ZNF580: variants seen among roughly 807,000 people sequenced by gnomAD.
ZNF580 encodes the protein zinc finger protein 580.
Under a neutral mutation model 1.3 loss-of-function variants are expected in ZNF580, and 1 was observed. The ratio of observed to expected loss-of-function variants is 0.77; its 90% CI spans 0.27 to 3.65. The LOEUF (loss-of-function observed/expected upper bound fraction) is 3.65. Among genes scored for constraint, ZNF580 ranks in the 30% most tolerant of loss-of-function variants. The probability of loss-of-function intolerance (pLI) is 0.19; values close to 1 mark genes in which losing one functional copy is unlikely to be tolerated. For missense variants in ZNF580, 268 were observed against 272.3 expected, an observed-to-expected ratio of 0.98 and a Z score of 0.11; for synonymous variants, 135 against 128.8, an observed-to-expected ratio of 1.05 and a Z score of -0.32.
Position 55,643,030 on chromosome 19 carries a change from T to A in ZNF580, c.*3T>A, listed in dbSNP as rs1215852991. The A allele has an allele frequency of 1.5e-6, 2 of 1,358,796 alleles. No homozygotes were observed. The highest frequency in any genetic ancestry group is 1.9e-6 in the Non-Finnish European group (2 of 1,054,840). 84.2% of individuals were successfully genotyped at this position (1,358,796 alleles called of 1,614,324 possible). Reference sequence around the variant, plus strand: ...CGCAGCACGTGCGCCTCCACTAAGCTCGAGACCCGGCCTGTGCTGCCCTGC... The same window carrying A: ...CGCAGCACGTGCGCCTCCACTAAGCACGAGACCCGGCCTGTGCTGCCCTGC... On this transcript the variant is annotated 3_prime_UTR_variant, in exon 2 of 2. Transcript: ENST00000325333.
rs759412445 is a variant in ZNF580 at position 55,642,769 on chromosome 19, C to T, written c.261C>T (p.Gly87=). 1.4e-5 allele frequency: 21 copies of T among 1,546,140 alleles called. No homozygotes were observed. Among genetic ancestry groups the T allele is most frequent in the Non-Finnish European group, 1.6e-5 (18 of 1,152,110 alleles). ...GCGAGGCGCCCCCAGGAGAGCCCGG[C>T]CCTCGCAAGGGCTACAGCTGCCCGG... ...PQREAPPGEP[G]PRKGYSCPEC... is the part of the protein sequence containing the mutation. Residue 87 remains glycine, a synonymous_variant, in exon 2 of 2, where the codon GGC becomes GGT. Coordinates refer to ENST00000325333, the MANE Select transcript of ZNF580 (RefSeq NM_207115.2).
intron 1 of ZNF580, 89 bp downstream of exon 1, chr19:55,641,272 ATGGGGG>A: frequency 1.2e-6 from 1 of 803,484 alleles, no homozygotes; most frequent in Non-Finnish European, 1.5e-6. Flanking sequence ...GCCACCCGGG[ATGGGGG>A]TGGGGGTCGG....
intron 1 of ZNF580, 168 bp from the exon 2 acceptor site, chr19:55,642,329 T>C: frequency 7.9e-7 from 1 of 1,260,918 alleles, no homozygotes; most frequent in Non-Finnish European, 1.0e-6. Flanking sequence ...GGCAGCTTGA[T>C]GGAACGTGGG....
At chr19:55,642,372 C>T (rs1982558642) in intron 1 of ZNF580, 125 bp from the exon 2 acceptor site, 5 of 1,288,610 alleles carry the variant, frequency 3.9e-6, no homozygotes, top group Non-Finnish European at 3.9e-6. Context: ...TTTTATTTTG[C>T]TAGGGAGGTA....
chr19:55,642,323 G>C, intron 1 of ZNF580, 174 bp from the exon 2 acceptor site: 3 of 1,262,526 alleles, frequency 2.4e-6, no homozygotes, highest in Non-Finnish European at 2.0e-6. Flanking sequence ...CTCCGAGGCA[G>C]CTTGATGGAA....
In ZNF580 at chr19:55,643,415, T is replaced by G; in HGVS notation, c.*388T>G. ...GCACGGTCTGGTTCATTTCTGTATC[T>G]ACCCCCCTTCCGCCCACGCCCCCGA... On this transcript the variant is annotated 3_prime_UTR_variant, in exon 2 of 2. Transcript: ENST00000325333. 6 of 215,198 alleles carry G rather than the reference T, an allele frequency of 2.8e-5. No homozygotes were observed. Among genetic ancestry groups the G allele is most frequent in the East Asian group, 1.1e-4 (1 of 8,964 alleles). 13.3% of individuals were successfully genotyped at this position (215,198 alleles called of 1,614,324 possible). A position where few individuals can be genotyped will look rare whatever the true frequency, so the allele number is the denominator to read the frequency against.
intron 1 of ZNF580, 28 bp from the exon 2 acceptor site, chr19:55,642,469 T>C: frequency 7.1e-7 from 1 of 1,402,824 alleles, no homozygotes; most frequent in South Asian, 1.7e-5. Context: ...GTGGCAATTT[T>C]AACTAATCTC....
Position 55,641,098 on chromosome 19 carries a change from T to C in ZNF580, c.-98T>C. On this transcript the variant is annotated 5_prime_UTR_variant, in exon 1 of 2. Coordinates refer to ENST00000325333, the MANE Select transcript of ZNF580 (RefSeq NM_207115.2). ...GCCCGGAGCTGCCCGGAAGTCTCGG[T>C]TCCGCCGCCGGCGCTCGCCAGGGGA... 1.0e-6 allele frequency: 1 copy of C among 985,102 alleles called. No individual in the cohort carries two copies. The highest frequency in any genetic ancestry group is 1.7e-5 in the African/African-American group (1 of 57,278). The allele number at this position is 985,102 out of a possible 1,614,324, so 61.0% of individuals were successfully genotyped here. A position where few individuals can be genotyped will look rare whatever the true frequency, so the allele number is the denominator to read the frequency against.
In ZNF580 at chr19:55,642,981, G is replaced by A. The variant is rs546316328; in HGVS notation, c.473G>A (p.Arg158His). 333 of 1,374,826 alleles carry A rather than the reference G, an allele frequency of 2.4e-4. 2 individuals carry two copies. Among genetic ancestry groups the A allele is most frequent in the Non-Finnish European group, 3.6e-5 (38 of 1,065,384 alleles). The allele number at this position is 1,374,826 out of a possible 1,614,324, so 85.2% of individuals were successfully genotyped here. ...PPHTCPLCPR[R>H]FQDAAELAQH... The stretch of plus-strand genomic sequence containing the variant: ...CACACCTGCCCGCTCTGCCCACGCC[G>A]CTTCCAGGACGCCGCGGAGCTGGCG... Residue 158 changes from arginine (R) to histidine (H), a missense_variant, in exon 2 of 2, where the codon CGC becomes CAC. Coordinates refer to ENST00000325333, the MANE Select transcript of ZNF580 (RefSeq NM_207115.2).
At position 55,642,669 on chromosome 19, in the gene ZNF580, T is replaced by A. The variant is rs1982592713; in HGVS notation, c.161T>A (p.Leu54His). Residue 54 changes from leucine to histidine, a missense_variant, in exon 2 of 2, where the codon CTC becomes CAC. Coordinates refer to ENST00000325333, the MANE Select transcript of ZNF580 (RefSeq NM_207115.2). Reference protein sequence around the residue: ...GPRPPRLGRHLLIDANGVPYT... With the variant: ...GPRPPRLGRHHLIDANGVPYT... ...CGACCCCCGCGGCTGGGCCGCCACC[T>A]CCTCATCGACGCCAATGGGGTCCCC... The A allele has an allele frequency of 7.0e-7, 1 of 1,419,476 alleles. No individual in the cohort carries two copies. The highest frequency in any genetic ancestry group is 9.2e-7 in the Non-Finnish European group (1 of 1,082,824). 87.9% of individuals were successfully genotyped at this position (1,419,476 alleles called of 1,614,324 possible). A position where few individuals can be genotyped will look rare whatever the true frequency, so the allele number is the denominator to read the frequency against.
intron 1 of ZNF580, chr19:55,642,138 G>C (rs912890437): frequency 1.9e-5 from 20 of 1,026,742 alleles, no homozygotes; most frequent in Non-Finnish European, 2.0e-5. Flanking sequence ...CGGGGTCTAA[G>C]ATGTAAAGAG....
In ZNF580 at chr19:55,643,336, T is replaced by C. The variant is rs1468691195; in HGVS notation, c.*309T>C. The C allele has an allele frequency of 2.0e-5, 7 of 356,604 alleles. No homozygotes were observed. The East Asian group carries it at 2.7e-4, about 14-fold the overall frequency. 22.1% of individuals were successfully genotyped at this position (356,604 alleles called of 1,614,324 possible). ...CTCTCTAAACCTTGGTTTTCTGCTCTCTGGAGCGGTGAACCGGTGGTTGTC... is the reference window on the plus strand; with the variant it reads ...CTCTCTAAACCTTGGTTTTCTGCTCCCTGGAGCGGTGAACCGGTGGTTGTC... On this transcript the variant is annotated 3_prime_UTR_variant, in exon 2 of 2. Coordinates refer to ENST00000325333, the MANE Select transcript of ZNF580 (RefSeq NM_207115.2).
At position 55,642,629 on chromosome 19, in the gene ZNF580, T is replaced by C; in HGVS notation, c.121T>C (p.Ser41Pro). ...KAEGPSSTPS[S>P]AAGPRPPRLG... is the part of the protein sequence containing the mutation. ...GGAAGGCCCCTCCTCCACTCCTTCC[T>C]CGGCGGCGGGGCCCCGACCCCCGCG... The change falls in exon 2 of 2, where the codon TCG (serine) becomes CCG (proline). Residue 41 changes from serine (S) to proline (P), a missense_variant. By Grantham distance (74) the Ser-to-Pro change is moderately conservative. This residue lies in a region of ZNF580 where 225 missense variants were observed against 201.7 expected (regional missense o/e 1.12). Coordinates refer to ENST00000325333, the MANE Select transcript of ZNF580 (RefSeq NM_207115.2). 7.0e-7 allele frequency: 1 copy of C among 1,436,788 alleles called. No homozygotes were observed. The highest frequency in any genetic ancestry group is 2.8e-5 in the East Asian group (1 of 35,812). 89.0% of individuals were successfully genotyped at this position (1,436,788 alleles called of 1,614,324 possible). A position where few individuals can be genotyped will look rare whatever the true frequency, so the allele number is the denominator to read the frequency against.
chr19:55,643,081 C>G lies in ZNF580; in HGVS notation c.*54C>G, dbSNP rs1391190892. 15 of 1,335,918 alleles carry G rather than the reference C, an allele frequency of 1.1e-5. No homozygotes were observed. Among genetic ancestry groups the G allele is most frequent in the Non-Finnish European group, 1.4e-5 (15 of 1,040,694 alleles). 82.8% of individuals were successfully genotyped at this position (1,335,918 alleles called of 1,614,324 possible). ...CCGTCTCAGGGCCACCAAGTCTGAC[C>G]CACACAGCGTCACTCACTCCCACAC... On this transcript the variant is annotated 3_prime_UTR_variant, in exon 2 of 2. Coordinates refer to ENST00000325333, the MANE Select transcript of ZNF580 (RefSeq NM_207115.2).
In ZNF580 at chr19:55,642,785, A is replaced by G. The variant is rs1388935142; in HGVS notation, c.277A>G (p.Ser93Gly). The change falls in exon 2 of 2, where the codon AGC becomes GGC. Residue 93 changes from serine to glycine, a missense_variant. This residue lies in a region of ZNF580 where 225 missense variants were observed against 201.7 expected (regional missense o/e 1.12). Coordinates refer to ENST00000325333, the MANE Select transcript of ZNF580 (RefSeq NM_207115.2). ...PGEPGPRKGY[S>G]CPECARVFAS... is the part of the protein sequence containing the mutation. ...AGAGCCCGGCCCTCGCAAGGGCTACAGCTGCCCGGAGTGCGCCCGTGTCTT... is the reference window on the plus strand; with the variant it reads ...AGAGCCCGGCCCTCGCAAGGGCTACGGCTGCCCGGAGTGCGCCCGTGTCTT... The G allele has an allele frequency of 6.4e-7, 1 of 1,557,342 alleles. No homozygotes were observed.
intron 1 of ZNF580, among the ~76,000 whole-genome samples, chr19:55,641,606 C>T (rs1481812044): frequency 3.3e-5 from 5 of 151,736 alleles, no homozygotes; most frequent in Admixed American, 2.0e-4. Context: ...GAAGCGGAGT[C>T]CCGGAGCCTG....
chr19:55,642,044 G>C (rs971654226), intron 1 of ZNF580: 2 of 985,812 alleles, frequency 2.0e-6, no homozygotes, highest in Non-Finnish European at 2.4e-6. Flanking sequence ...GCGGCAAAGG[G>C]AGGGGAAGTA....
At position 55,641,148 on chromosome 19, in the gene ZNF580, G is replaced by A. The variant is rs1982440078; in HGVS notation, c.-48G>A. On this transcript the variant is annotated 5_prime_UTR_variant, in exon 1 of 2. Coordinates refer to ENST00000325333, the MANE Select transcript of ZNF580 (RefSeq NM_207115.2). ...AAGCCCGGGGCCGCCCGGGACCTCGGCCCGTTCCTCCGGACCCGAGAGGCC... is the reference window on the plus strand; with the variant it reads ...AAGCCCGGGGCCGCCCGGGACCTCGACCCGTTCCTCCGGACCCGAGAGGCC... 2 of 985,328 alleles carry A rather than the reference G, an allele frequency of 2.0e-6. No individual in the cohort carries two copies. The highest frequency in any genetic ancestry group is 6.1e-5 in the Admixed American group (1 of 16,264). 61.0% of individuals were successfully genotyped at this position (985,328 alleles called of 1,614,324 possible). A position where few individuals can be genotyped will look rare whatever the true frequency, so the allele number is the denominator to read the frequency against.
At position 55,643,364 on chromosome 19, in the gene ZNF580, C is replaced by A; in HGVS notation, c.*337C>A. 1 of 300,122 alleles carries A rather than the reference C, an allele frequency of 3.3e-6. No individual in the cohort carries two copies. The highest frequency in any genetic ancestry group is 6.5e-6 in the Non-Finnish European group (1 of 153,272). 18.6% of individuals were successfully genotyped at this position (300,122 alleles called of 1,614,324 possible). On this transcript the variant is annotated 3_prime_UTR_variant, in exon 2 of 2. Transcript: ENST00000325333. ...GGAGCGGTGAACCGGTGGTTGTCTG[C>A]GGGGAAGAGATGATAAAGAGCACGG...
Sources: allele counts gnomAD v4.1 joint callset (sites outside exome capture counted in the v4.1 genomes callset), GRCh38; gene constraint gnomAD v4.1.1; regional missense constraint gnomAD v4.1.1; transcripts MANE v1.5; gene names NCBI Gene and HGNC (gene_info 2026-07-23, HGNC 2026-07-21).